Variants in NCOR2 observed in about 807,000 individuals in gnomAD.
NCOR2 encodes the protein nuclear receptor corepressor 2.
NCOR2 carries 81 observed loss-of-function variants against 262.9 expected under a neutral mutation model. The ratio of observed to expected loss-of-function variants is 0.31; its 90% CI spans 0.26 to 0.37. The LOEUF (loss-of-function observed/expected upper bound fraction) is 0.37. NCOR2 is among the 10% of genes least tolerant of loss of function. NCOR2 has a pLI of 1.00. For synonymous variants in NCOR2, 1,659 were observed against 1,559.3 expected (o/e 1.06, Z -1.51); for missense variants, 3,385 against 3,621.4 (o/e 0.93, Z 1.68).
At chr12:124,434,405 G>A (rs1293509711) in intron 8 of NCOR2, among the ~76,000 whole-genome samples, 1 of 152,080 alleles carries the variant, frequency 6.6e-6, no homozygotes, top group African/African-American at 2.4e-5. Context: ...CTCCTAAGAT[G>A]GGCCACAAAG....
chr12:124,358,844 A>G (rs1387208742), intron 22 of NCOR2, among the ~76,000 whole-genome samples: 4 of 152,130 alleles, frequency 2.6e-5, no homozygotes, highest in African/African-American at 9.7e-5. Flanking sequence ...GTGTTCACTC[A>G]TTTATTCTCA....
chr12:124,502,434 G>A (rs2048796420), intron 1 of NCOR2, among the ~76,000 whole-genome samples: 2 of 152,204 alleles, frequency 1.3e-5, no homozygotes, highest in Admixed American at 1.3e-4. Flanking sequence ...ACCAGGAGGC[G>A]GCAGGCAGGG....
In NCOR2 at chr12:124,372,584, C is replaced by T. The variant is rs761275073; in HGVS notation, c.2245G>A (p.Glu749Lys). 2.2e-5 allele frequency: 35 copies of T among 1,597,946 alleles called. No individual in the cohort carries two copies. The highest frequency in any genetic ancestry group is 2.8e-5 in the Non-Finnish European group (33 of 1,179,450). The stretch of plus-strand genomic sequence containing the variant: ...TCAGTGTGAGGAGAGGGGATGCTCT[C>T]GGTGTCTGAGCTGTTGTTGACAGTG... Residue 749 changes from glutamate (E) to lysine (K), a missense_variant, in exon 20 of 47, where the codon GAG (glutamate) becomes AAG (lysine). This residue lies in a region of NCOR2 where 1,615 missense variants were observed against 1,626.9 expected (regional missense o/e 0.99). Transcript: ENST00000405201.
At chr12:124,514,929 C>T (rs950977742) in intron 1 of NCOR2, 6 of 152,246 alleles carry the variant, frequency 3.9e-5, no homozygotes, top group African/African-American at 1.5e-4. Context: ...TGGATGCCCC[C>T]AAACCCTATC....
In NCOR2 at chr12:124,413,457, G is replaced by A. The variant is rs938548084; in HGVS notation, c.1482+6500C>T. Among the ~76,000 whole-genome samples, 4 of 152,192 alleles carry A rather than the reference G, an allele frequency of 2.6e-5. No individual in the cohort carries two copies. The East Asian group carries it at 7.7e-4, about 29-fold the overall frequency. ...ATGAACATGCATATACTGTGCATCCGATGGGCACCTCCTGGGGGGTCTGTG... is the reference window on the plus strand; with the variant it reads ...ATGAACATGCATATACTGTGCATCCAATGGGCACCTCCTGGGGGGTCTGTG... On this transcript the variant is annotated intron_variant, in intron 13 of 46. Transcript: ENST00000405201.
chr12:124,374,590 C>G, intron 18 of NCOR2, 127 bp from the exon 21 acceptor site: 2 of 848,344 alleles, frequency 2.4e-6, no homozygotes, highest in Admixed American at 2.1e-5. Context: ...CTGCTGCTCG[C>G]TCTCCTGCCC....
chr12:124,418,004 T>C (rs1251997667), intron 13 of NCOR2, among the ~76,000 whole-genome samples: 1 of 148,926 alleles, frequency 6.7e-6, no homozygotes, highest in East Asian at 2.0e-4. Context: ...GAGGTTGCAG[T>C]GAGCTGGGAT....
intron 1 of NCOR2, among the ~76,000 whole-genome samples, chr12:124,532,853 C>T (rs2050886485): frequency 7.3e-6 from 1 of 137,140 alleles, no homozygotes; most frequent in African/African-American, 2.8e-5. Flanking sequence ...TGGGGGACCG[C>T]CACCGTCCCA....
At chr12:124,562,499 C>T (rs1313756954) in intron 1 of NCOR2, among the ~76,000 whole-genome samples, 1 of 152,244 alleles carries the variant, frequency 6.6e-6, no homozygotes, top group Non-Finnish European at 1.5e-5. Flanking sequence ...TCAGCCCTCC[C>T]CCAGGGGGCC....
intron 38 of NCOR2, 188 bp downstream of exon 40, chr12:124,336,565 G>A (rs2135787035): frequency 2.1e-6 from 2 of 971,592 alleles, no homozygotes; most frequent in Middle Eastern, 5.3e-4. Context: ...AAAAACGGGG[G>A]CCAAAGTAAA....
In NCOR2 at chr12:124,481,518, C is replaced by G. The variant is rs1290644708; in HGVS notation, c.411+2078G>C. On this transcript the variant is annotated intron_variant, in intron 3 of 46. Coordinates refer to ENST00000405201, the Ensembl canonical transcript of NCOR2. This position sits in a 1 kb window ranked among gnomAD's most constrained non-coding sequence, Gnocchi z 4.6. ...GGAGGGCAGCCAGGGCTGGAAGGAGCGAGGAAAGAGGAATGTGCCTGGGGG... is the reference window on the plus strand; with the variant it reads ...GGAGGGCAGCCAGGGCTGGAAGGAGGGAGGAAAGAGGAATGTGCCTGGGGG... Among the ~76,000 whole-genome samples, 1 of 152,086 alleles carries G rather than the reference C, an allele frequency of 6.6e-6. No homozygotes were observed. The highest frequency in any genetic ancestry group is 6.5e-5 in the Admixed American group (1 of 15,288).
intron 17 of NCOR2, among the ~76,000 whole-genome samples, chr12:124,380,795 G>A (rs1313269895): frequency 6.6e-6 from 1 of 151,846 alleles, no homozygotes; most frequent in Non-Finnish European, 1.5e-5. Flanking sequence ...GGGGCGGCGT[G>A]GGGTCTCTGA....
At chr12:124,545,365 C>T (rs903451673) in intron 1 of NCOR2, among the ~76,000 whole-genome samples, 3 of 152,202 alleles carry the variant, frequency 2.0e-5, no homozygotes, top group African/African-American at 7.2e-5. Flanking sequence ...GACAAGGCAG[C>T]CCCTGACCCA....
upstream of NCOR2, among the ~76,000 whole-genome samples, chr12:124,536,279 T>C (rs909286200): frequency 1.3e-5 from 2 of 152,122 alleles, no homozygotes; most frequent in African/African-American, 4.8e-5. Flanking sequence ...GGTCTCACCA[T>C]GTTGCCCAGG....
chr12:124,347,685 A>T, intron 30 of NCOR2, 140 bp downstream of exon 32: 1 of 794,268 alleles, frequency 1.3e-6, no homozygotes, highest in South Asian at 1.7e-5. Context: ...TCACGTACTG[A>T]TCATGTACAT....
At chr12:124,329,751 A>G (rs559285604) in intron 44 of NCOR2, among the ~76,000 whole-genome samples, 1 of 152,320 alleles carries the variant, frequency 6.6e-6, no homozygotes, top group African/African-American at 2.4e-5. Flanking sequence ...TAAAAAGATA[A>G]ATACAAAATA....
intron 2 of NCOR2, among the ~76,000 whole-genome samples, chr12:124,484,696 A>G (rs1403886011): frequency 1.3e-5 from 2 of 151,976 alleles, no homozygotes; most frequent in Non-Finnish European, 2.9e-5. Context: ...CCTTCCTGTC[A>G]TGGTGCAGAT....
intron 11 of NCOR2, among the ~76,000 whole-genome samples, chr12:124,422,822 G>A (rs1178690848): frequency 6.6e-6 from 1 of 152,216 alleles, no homozygotes; most frequent in Non-Finnish European, 1.5e-5. Flanking sequence ...TGCTGGAGGC[G>A]GCTTCCAGGA....
chr12:124,372,557 C>T (rs919689858), exon 20 of NCOR2: 2 of 1,597,546 alleles, frequency 1.3e-6, no homozygotes, highest in African/African-American at 1.3e-5. Context: ...TCCTTGGCGG[C>T]CTCAGTGTGA....
Sources: allele counts gnomAD v4.1 joint callset (sites outside exome capture counted in the v4.1 genomes callset), GRCh38; gene constraint gnomAD v4.1.1; regional missense constraint gnomAD v4.1.1; non-coding constraint Gnocchi (gnomAD v3.1); transcripts MANE v1.5; gene names NCBI Gene and HGNC (gene_info 2026-07-23, HGNC 2026-07-21).